BTBD9: variants seen among roughly 807,000 people sequenced by gnomAD.
BTBD9 encodes BTB/POZ domain-containing protein 9.
In BTBD9, 49 loss-of-function variants were observed where a neutral mutation model predicts 64.3. That is an observed-to-expected ratio of 0.76 (90% CI 0.61 to 0.97). The LOEUF is 0.97. BTBD9 is among the 50% of genes least tolerant of loss of function. The pLI is 0.00. For synonymous variants in BTBD9, 260 were observed against 274.7 expected, an observed-to-expected ratio of 0.95 and a Z score of 0.53; for missense variants, 598 against 762.1, an observed-to-expected ratio of 0.78 and a Z score of 2.53.
intron 6 of BTBD9, among the ~76,000 whole-genome samples, chr6:38,465,759 ATG>A (rs1562224954): frequency 1.1e-4 from 6 of 54,786 alleles, no homozygotes; most frequent in East Asian, 2.2e-3. Flanking sequence ...ATATATATGT[ATG>A]TATGTATGTA....
intron 7 of BTBD9, among the ~76,000 whole-genome samples, chr6:38,332,501 T>C (rs538109753): frequency 1.4e-4 from 22 of 152,364 alleles, no homozygotes; most frequent in African/African-American, 5.0e-4. Context: ...TTGCTTTATT[T>C]ATCTACCAGT....
chr6:38,528,205 G>A (rs1039320382), intron 6 of BTBD9, among the ~76,000 whole-genome samples: 3 of 152,112 alleles, frequency 2.0e-5, no homozygotes, highest in African/African-American at 4.8e-5. Flanking sequence ...AACTCAGTTG[G>A]CACCTATCAG....
chr6:38,371,253 G>A (rs1339174667), intron 6 of BTBD9, among the ~76,000 whole-genome samples: 1 of 152,176 alleles, frequency 6.6e-6, no homozygotes, highest in African/African-American at 2.4e-5. Flanking sequence ...TGTGTATTGT[G>A]CACAGATGAG....
chr6:38,321,886 A>G (rs1437922784), intron 7 of BTBD9, among the ~76,000 whole-genome samples: 1 of 151,710 alleles, frequency 6.6e-6, no homozygotes, highest in Non-Finnish European at 1.5e-5. Context: ...ATAAAGAGAA[A>G]CAGTTTTTTT....
At chr6:38,360,754 A>C (rs1764920484) in intron 6 of BTBD9, among the ~76,000 whole-genome samples, 1 of 152,210 alleles carries the variant, frequency 6.6e-6, no homozygotes, top group Non-Finnish European at 1.5e-5. Flanking sequence ...GTCTACACTC[A>C]ACTGGGATGG....
At chr6:38,483,320 C>T (rs1771249045) in intron 6 of BTBD9, among the ~76,000 whole-genome samples, 1 of 152,068 alleles carries the variant, frequency 6.6e-6, no homozygotes, top group Non-Finnish European at 1.5e-5. Flanking sequence ...CCTCTCCCAT[C>T]TCCCCTCCTC....
intron 6 of BTBD9, among the ~76,000 whole-genome samples, chr6:38,365,128 T>G (rs1007838185): frequency 2.0e-5 from 3 of 152,168 alleles, no homozygotes; most frequent in Non-Finnish European, 2.9e-5. Flanking sequence ...AAAAAGTAAT[T>G]AACATTTATT....
At chr6:38,618,725 T>C (rs772480644) in intron 1 of BTBD9, among the ~76,000 whole-genome samples, 7 of 152,194 alleles carry the variant, frequency 4.6e-5, no homozygotes, top group Non-Finnish European at 1.0e-4. Context: ...GATAGGTATA[T>C]AGATATCCTA....
intron 6 of BTBD9, among the ~76,000 whole-genome samples, chr6:38,529,061 T>C (rs1773655654): frequency 6.6e-6 from 1 of 152,072 alleles, no homozygotes; most frequent in Admixed American, 6.5e-5. Flanking sequence ...CCCACTGCCC[T>C]GAAGGAAGAG....
intron 6 of BTBD9, among the ~76,000 whole-genome samples, chr6:38,562,641 A>G (rs998268951): frequency 3.9e-5 from 6 of 152,214 alleles, no homozygotes; most frequent in African/African-American, 1.4e-4. Flanking sequence ...TTGTTTATTG[A>G]CAAAAGAAGT....
intron 6 of BTBD9, among the ~76,000 whole-genome samples, chr6:38,541,206 AT>A (rs1207827968): frequency 6.6e-6 from 1 of 152,230 alleles, no homozygotes; most frequent in Non-Finnish European, 1.5e-5. Flanking sequence ...CATGAAAAAA[AT>A]GAATGTCACA....
At chr6:38,425,943 C>A (rs1768125094) in intron 6 of BTBD9, among the ~76,000 whole-genome samples, 1 of 146,880 alleles carries the variant, frequency 6.8e-6, no homozygotes. Context: ...CACACACACA[C>A]ACACACACAC....
At chr6:38,303,357 G>T (rs964886118) in intron 7 of BTBD9, among the ~76,000 whole-genome samples, 1 of 146,320 alleles carries the variant, frequency 6.8e-6, no homozygotes, top group African/African-American at 2.5e-5. Flanking sequence ...ATGAATATGC[G>T]ACTGTTCCTG....
At position 38,588,611 on chromosome 6, in the gene BTBD9, A is replaced by T. The variant is rs1236915268; in HGVS notation, c.814+3965T>A. The T allele has an allele frequency of 3.1e-5, 9 of 288,660 alleles. No homozygotes were observed. The Admixed American group carries it at 4.8e-4, about 15-fold the overall frequency. The allele number at this position is 288,660 out of a possible 1,614,324, so 17.9% of individuals were successfully genotyped here. ...CCAGTACTGTTTTAATCTGTAATGAAGTTCACAAATTTTAAAAGCAGAGCA... is the reference window on the plus strand; with the variant it reads ...CCAGTACTGTTTTAATCTGTAATGATGTTCACAAATTTTAAAAGCAGAGCA... On this transcript the variant is annotated intron_variant, in intron 4 of 10. Transcript: ENST00000481247.
intron 6 of BTBD9, among the ~76,000 whole-genome samples, chr6:38,349,344 T>C (rs1764411548): frequency 6.6e-6 from 1 of 152,138 alleles, no homozygotes; most frequent in Non-Finnish European, 1.5e-5. Context: ...GAGTAGATTA[T>C]AGGATGCAGA....
At chr6:38,247,092 A>T (rs1764234700) in intron 9 of BTBD9, among the ~76,000 whole-genome samples, 1 of 152,190 alleles carries the variant, frequency 6.6e-6, no homozygotes, top group Admixed American at 6.5e-5. Context: ...TAAGAAACAA[A>T]GCAGGCAAAA....
At position 38,284,128 on chromosome 6, in the gene BTBD9, G is replaced by A. The variant is rs536850650; in HGVS notation, c.1454+4144C>T. 3.3e-5 allele frequency among the ~76,000 whole-genome samples: 5 copies of A among 152,104 alleles called. No homozygotes were observed. The East Asian group carries it at 7.7e-4, about 24-fold the overall frequency. The stretch of plus-strand genomic sequence containing the variant: ...AACATAATGTTAGTTTCACAGAGAC[G>A]TGTCTCTTTGAAGGCTCAGCCAGTT... On this transcript the variant is annotated intron_variant, in intron 8 of 10. Coordinates refer to ENST00000481247, the MANE Select transcript of BTBD9 (RefSeq NM_001099272.2).
chr6:38,274,751 C>T (rs570275512), intron 8 of BTBD9, among the ~76,000 whole-genome samples: 75 of 152,160 alleles, frequency 4.9e-4, no homozygotes, highest in Admixed American at 1.5e-3. Context: ...GGTGGATAAG[C>T]TTTTTGATGT....
chr6:38,548,988 TTTAGAGGATTTTCA>T (rs1447824477), intron 6 of BTBD9, among the ~76,000 whole-genome samples: 1 of 152,168 alleles, frequency 6.6e-6, no homozygotes, highest in Non-Finnish European at 1.5e-5. Flanking sequence ...TTTAAGATCT[TTTAGAGGATTTTCA>T]TTAGATTGGG....
Sources: allele counts gnomAD v4.1 joint callset (sites outside exome capture counted in the v4.1 genomes callset), GRCh38; gene constraint gnomAD v4.1.1; transcripts MANE v1.5; gene names NCBI Gene and HGNC (gene_info 2026-07-23, HGNC 2026-07-21).